Variants in WDR70 observed in about 807,000 individuals in gnomAD.
WDR70 encodes the protein WD repeat domain 70.
Under a neutral mutation model 88.6 loss-of-function variants are expected in WDR70, and 53 were observed. The ratio of observed to expected loss-of-function variants is 0.60; its 90% confidence interval spans 0.48 to 0.75. The LOEUF is 0.75. WDR70 is among the 30% of genes least tolerant of loss of function. The pLI is 0.00. For missense variants in WDR70, 610 were observed against 823.2 expected (o/e 0.74, Z 3.17); for synonymous variants, 280 against 270.0 (o/e 1.04, Z -0.36).
intron 17 of WDR70, among the ~76,000 whole-genome samples, chr5:37,747,404 T>C (rs377204057): frequency 1.3e-5 from 2 of 152,134 alleles, no homozygotes; most frequent in African/African-American, 2.4e-5. Flanking sequence ...AGGAACACTT[T>C]GATTATCTCA....
intron 17 of WDR70, among the ~76,000 whole-genome samples, chr5:37,750,642 C>CATGCTGTTGTT (rs1394599434): frequency 6.6e-6 from 1 of 151,970 alleles, no homozygotes; most frequent in Non-Finnish European, 1.5e-5. Context: ...AGTAATTTCC[C>CATGCTGTTGTT]ATGCTGTTGT....
At chr5:37,514,145 G>A (rs2112250213) in intron 8 of WDR70, among the ~76,000 whole-genome samples, 1 of 151,256 alleles carries the variant, frequency 6.6e-6, no homozygotes, top group East Asian at 2.0e-4. Context: ...CTTCTAAGTA[G>A]CTGGAACTAT....
In WDR70 at chr5:37,701,116, C is replaced by T; in HGVS notation, c.1251C>T (p.Ala417=). The change falls in exon 12 of 18, where the codon GCC becomes GCT. Residue 417 remains alanine, a synonymous_variant. Transcript: ENST00000265107. ...IRQFNKPLFS[A]SGLPTMFPMT... is the part of the protein sequence containing the mutation. ...AATTTAATAAACCACTTTTTTCAGC[C>T]TCGGGTCTTCCCACCATGTTCCCAA... 2 of 1,610,362 alleles carry T rather than the reference C, an allele frequency of 1.2e-6. No homozygotes were observed. Among genetic ancestry groups the T allele is most frequent in the Non-Finnish European group, 8.5e-7 (1 of 1,176,972 alleles).
intron 9 of WDR70, among the ~76,000 whole-genome samples, chr5:37,603,686 T>C (rs1743951289): frequency 6.6e-6 from 1 of 152,240 alleles, no homozygotes; most frequent in Admixed American, 6.5e-5. Flanking sequence ...AATTTTATTA[T>C]TGATGAGGTT....
intron 13 of WDR70, among the ~76,000 whole-genome samples, chr5:37,706,723 A>ACACACG (rs1234177286): frequency 1.7e-5 from 2 of 118,904 alleles, no homozygotes; most frequent in Non-Finnish European, 4.2e-5. Flanking sequence ...TAATACACAC[A>ACACACG]CACACACACA....
chr5:37,624,863 C>T (rs768095450), intron 10 of WDR70, among the ~76,000 whole-genome samples: 69 of 152,094 alleles, frequency 4.5e-4, no homozygotes, highest in Non-Finnish European at 1.9e-4. Flanking sequence ...TCCTTCCTTC[C>T]GGGTATGGGA....
intron 7 of WDR70, among the ~76,000 whole-genome samples, chr5:37,468,843 A>T (rs1253481978): frequency 6.6e-6 from 1 of 152,196 alleles, no homozygotes. Flanking sequence ...TTTACATTGG[A>T]TATTGAGTGA....
chr5:37,555,502 G>A (rs1742270316), intron 9 of WDR70, among the ~76,000 whole-genome samples: 1 of 152,120 alleles, frequency 6.6e-6, no homozygotes, highest in African/African-American at 2.4e-5. Flanking sequence ...GTTTAGTGAG[G>A]CAAGATCTCA....
intron 10 of WDR70, among the ~76,000 whole-genome samples, chr5:37,650,165 A>C (rs968517320): frequency 1.3e-5 from 2 of 150,566 alleles, no homozygotes; most frequent in African/African-American, 4.9e-5. Context: ...TGGGAGGCCA[A>C]GGTGGGTGGA....
At chr5:37,697,968 T>A (rs1336713538) in intron 11 of WDR70, 3 of 431,844 alleles carry the variant, frequency 6.9e-6, no homozygotes, top group Admixed American at 3.7e-5. Context: ...ATTTACTTTT[T>A]TTTGGCCTAA....
At chr5:37,697,818 G>A (rs1314524594) in intron 11 of WDR70, 64 bp downstream of exon 11, 1 of 1,406,090 alleles carries the variant, frequency 7.1e-7, no homozygotes, top group Non-Finnish European at 1.0e-6. Flanking sequence ...TAACAAATAT[G>A]ACAATAATAT....
In WDR70 at chr5:37,747,631, G is replaced by T. The variant is rs184374377; in HGVS notation, c.1878-4855G>T. On this transcript the variant is annotated intron_variant, in intron 17 of 17. Coordinates refer to ENST00000265107, the MANE Select transcript of WDR70 (RefSeq NM_018034.4). ...TCTCTCACCACTCCTATTCAACGTAGTATTGGAAATTCTGGCTGGGGCAAT... is the reference window on the plus strand; with the variant it reads ...TCTCTCACCACTCCTATTCAACGTATTATTGGAAATTCTGGCTGGGGCAAT... 1.7e-3 allele frequency among the ~76,000 whole-genome samples: 265 copies of T among 152,274 alleles called. 1 individual carries two copies. The highest frequency in any genetic ancestry group is 6.1e-3 in the African/African-American group (255 of 41,548).
chr5:37,455,080 T>G lies in WDR70; in HGVS notation c.686+11708T>G, dbSNP rs1448716793. ...AGATAATAGCTCACCTAGTATTTAT[T>G]TAATATGAAGGAATCTCAGTGCACA... is the stretch of plus-strand genomic sequence containing the variant. On this transcript the variant is annotated intron_variant, in intron 7 of 17. Transcript: ENST00000265107. Among the ~76,000 whole-genome samples, 4 of 152,208 alleles carry G rather than the reference T, an allele frequency of 2.6e-5. No individual in the cohort carries two copies. The East Asian group carries it at 5.8e-4, about 22-fold the overall frequency.
At position 37,715,913 on chromosome 5, in the gene WDR70, AAC is replaced by A. The variant is rs541280848; in HGVS notation, c.1417-5191_1417-5190del. On this transcript the variant is annotated intron_variant, in intron 13 of 17. Coordinates refer to ENST00000265107, the MANE Select transcript of WDR70 (RefSeq NM_018034.4). ...TTAGTGTCTGGAATCTGCACACACA[AAC>A]ACACACACACGCACACACACACACC... is the stretch of plus-strand genomic sequence containing the variant. 5.3e-5 allele frequency among the ~76,000 whole-genome samples: 8 copies of A among 151,772 alleles called. No homozygotes were observed. In the South Asian group the frequency reaches 6.2e-4, roughly 12 times the overall value.
chr5:37,437,848 C>A, intron 5 of WDR70, 74 bp from the exon 6 acceptor site: 1 of 1,370,296 alleles, frequency 7.3e-7, no homozygotes, highest in Non-Finnish European at 9.9e-7. Context: ...ATTGTATTTC[C>A]TGTGAAATGT....
At chr5:37,422,072 G>A (rs925339259) in intron 5 of WDR70, among the ~76,000 whole-genome samples, 1 of 151,784 alleles carries the variant, frequency 6.6e-6, no homozygotes, top group Non-Finnish European at 1.5e-5. Flanking sequence ...TACCTGGAAT[G>A]GTTAATACTG....
intron 7 of WDR70, among the ~76,000 whole-genome samples, chr5:37,457,637 T>A (rs1292782832): frequency 1.3e-5 from 2 of 152,234 alleles, no homozygotes; most frequent in Admixed American, 6.5e-5. Flanking sequence ...TAGCATTATA[T>A]GTGATGATGA....
chr5:37,408,753 T>A (rs949586637), intron 5 of WDR70, among the ~76,000 whole-genome samples: 7 of 152,230 alleles, frequency 4.6e-5, no homozygotes, highest in African/African-American at 1.7e-4. Context: ...TGTGAATGGT[T>A]CTTTAATATT....
intron 9 of WDR70, among the ~76,000 whole-genome samples, chr5:37,548,862 G>T (rs540798449): frequency 6.6e-6 from 1 of 152,146 alleles, no homozygotes; most frequent in South Asian, 2.1e-4. Flanking sequence ...TCTGCATATG[G>T]ATATCCAGTT....
Sources: gnomAD v4.1 joint callset for allele counts (sites outside exome capture counted in the v4.1 genomes callset) on GRCh38, gnomAD v4.1.1 for gene constraint, MANE v1.5 for transcripts, NCBI Gene and HGNC (gene_info 2026-07-23, HGNC 2026-07-21) for gene names.